Variants in OPN5 observed in about 807,000 individuals in gnomAD.
OPN5 encodes the protein opsin-5.
Under a neutral mutation model 41.7 loss-of-function variants are expected in OPN5, and 18 were observed. The observed-to-expected ratio is 0.43, with a 90% CI of 0.30 to 0.64. OPN5 has a LOEUF of 0.64. OPN5 is among the 30% of genes least tolerant of loss of function. The probability of loss-of-function intolerance (pLI) is 0.13; values close to 1 mark genes in which losing one functional copy is unlikely to be tolerated. For synonymous variants in OPN5, 178 were observed against 164.3 expected (o/e 1.08, Z -0.64); for missense variants, 318 against 434.5 (o/e 0.73, Z 2.38).
intron 4 of OPN5, among the ~76,000 whole-genome samples, chr6:47,804,445 C>A (rs973428624): frequency 6.6e-6 from 1 of 152,114 alleles, no homozygotes; most frequent in Non-Finnish European, 1.5e-5. Context: ...AAGTCAAAAA[C>A]AGACTGATGA....
chr6:47,822,936 C>T lies in OPN5; in HGVS notation c.1057-1047C>T, dbSNP rs1762678220. Among the ~76,000 whole-genome samples the T allele has an allele frequency of 2.6e-5, 4 of 152,320 alleles. No individual in the cohort carries two copies. In the South Asian group the frequency reaches 8.3e-4, roughly 32 times the overall value. On this transcript the variant is annotated intron_variant, in intron 6 of 6. Transcript: ENST00000371211. ...TCCAAAAGTGGGATAAGACTTTCCT[C>T]TCCTGTTTTCAAAGGACACACCTCT...
intron 5 of OPN5, among the ~76,000 whole-genome samples, chr6:47,809,346 A>T (rs1026294473): frequency 2.0e-5 from 3 of 152,190 alleles, no homozygotes; most frequent in Admixed American, 6.5e-5. Flanking sequence ...AGAACTAGCT[A>T]TGAGAAGATG....
intron 6 of OPN5, among the ~76,000 whole-genome samples, chr6:47,821,412 C>G (rs990843696): frequency 1.3e-4 from 20 of 152,112 alleles, no homozygotes; most frequent in Non-Finnish European, 2.1e-4. Flanking sequence ...GAAAAAAATT[C>G]TAGGAGGGTC....
At chr6:47,784,988 A>G (rs1403558364) in intron 1 of OPN5, among the ~76,000 whole-genome samples, 1 of 152,198 alleles carries the variant, frequency 6.6e-6, no homozygotes, top group Non-Finnish European at 1.5e-5. Flanking sequence ...ACATGCAATG[A>G]ATAGAGAGGT....
chr6:47,784,241 A>T (rs1773145773), intron 1 of OPN5, among the ~76,000 whole-genome samples: 2 of 151,762 alleles, frequency 1.3e-5, no homozygotes, highest in Admixed American at 1.3e-4. Context: ...CACTTCTTGG[A>T]CTTGGCCGTG....
At chr6:47,802,352 T>TCCC in intron 4 of OPN5, among the ~76,000 whole-genome samples, 1 of 152,224 alleles carries the variant, frequency 6.6e-6, no homozygotes, top group Non-Finnish European at 1.5e-5. Flanking sequence ...CAGTGTTACT[T>TCCC]TGTGTTAACC....
At chr6:47,790,389 G>C (rs1561890800) in intron 2 of OPN5, among the ~76,000 whole-genome samples, 1 of 151,926 alleles carries the variant, frequency 6.6e-6, no homozygotes, top group Non-Finnish European at 1.5e-5. Context: ...CCCTTCAGGG[G>C]ACACTCTCTC....
At chr6:47,790,213 TA>T (rs921931059) in intron 2 of OPN5, among the ~76,000 whole-genome samples, 2 of 152,318 alleles carry the variant, frequency 1.3e-5, no homozygotes, top group Non-Finnish European at 2.9e-5. Context: ...ATAAAATTCC[TA>T]AACAATTTTT....
At chr6:47,793,009 A>G (rs889916963) in intron 3 of OPN5, among the ~76,000 whole-genome samples, 4 of 143,776 alleles carry the variant, frequency 2.8e-5, no homozygotes, top group South Asian at 4.4e-4. Context: ...TAAAGTTTAC[A>G]TCTCCTTTTT....
At chr6:47,826,289 T>A (rs1334442768), downstream of OPN5, 4 of 152,128 alleles carry the variant, frequency 2.6e-5, no homozygotes, top group Admixed American at 2.0e-4. Context: ...ATTATGAATA[T>A]CTTATTTGTG....
chr6:47,796,768 T>C (rs1194029871), intron 4 of OPN5, among the ~76,000 whole-genome samples: 1 of 152,174 alleles, frequency 6.6e-6, no homozygotes, highest in Non-Finnish European at 1.5e-5. Flanking sequence ...TCTCTCCAAA[T>C]TGCAGAATTT....
chr6:47,817,586 C>T (rs573126559), intron 6 of OPN5, among the ~76,000 whole-genome samples: 1 of 152,188 alleles, frequency 6.6e-6, no homozygotes. Context: ...GAAAAAAGAA[C>T]TTGAGCCCCA....
At chr6:47,789,727 A>C (rs988872524) in intron 2 of OPN5, among the ~76,000 whole-genome samples, 1 of 152,174 alleles carries the variant, frequency 6.6e-6, no homozygotes, top group Non-Finnish European at 1.5e-5. Context: ...CACCGAACTA[A>C]CAGGAACTCC....
chr6:47,804,055 T>C (rs527403393), intron 4 of OPN5, among the ~76,000 whole-genome samples: 1 of 152,202 alleles, frequency 6.6e-6, no homozygotes, highest in Non-Finnish European at 1.5e-5. Flanking sequence ...GGTTAATTAA[T>C]TGGAATTGAG....
chr6:47,818,338 T>A (rs1288434910), intron 6 of OPN5, among the ~76,000 whole-genome samples: 1 of 152,150 alleles, frequency 6.6e-6, no homozygotes, highest in African/African-American at 2.4e-5. Flanking sequence ...AAGCCATGTG[T>A]GAGACCAGGC....
chr6:47,804,917 T>G (rs995255902), intron 4 of OPN5, among the ~76,000 whole-genome samples: 2 of 152,222 alleles, frequency 1.3e-5, no homozygotes, highest in African/African-American at 4.8e-5. Context: ...AGAAAACACG[T>G]AAAATGTAGA....
chr6:47,801,178 G>A (rs1267611780), intron 4 of OPN5, among the ~76,000 whole-genome samples: 2 of 152,184 alleles, frequency 1.3e-5, no homozygotes, highest in Non-Finnish European at 2.9e-5. Context: ...AAAGGAAAAT[G>A]CTGTGGGTCC....
At chr6:47,787,860 G>T (rs1773239637) in intron 2 of OPN5, among the ~76,000 whole-genome samples, 1 of 152,158 alleles carries the variant, frequency 6.6e-6, no homozygotes, top group African/African-American at 2.4e-5. Flanking sequence ...TACTACCACT[G>T]CACTCCAGCC....
chr6:47,783,227 T>A (rs980326963), intron 1 of OPN5, among the ~76,000 whole-genome samples: 1 of 152,146 alleles, frequency 6.6e-6, no homozygotes, highest in Non-Finnish European at 1.5e-5. Context: ...AAAGAAACCA[T>A]ACTTTTCTTA....
Sources: gnomAD v4.1 joint callset for allele counts (sites outside exome capture counted in the v4.1 genomes callset) on GRCh38, gnomAD v4.1.1 for gene constraint, MANE v1.5 for transcripts, NCBI Gene and HGNC (gene_info 2026-07-23, HGNC 2026-07-21) for gene names.